CCDC18: variants seen among roughly 807,000 people sequenced by gnomAD.
The protein encoded by CCDC18 is coiled-coil domain-containing protein 18.
In CCDC18, 157 loss-of-function variants were observed where a neutral mutation model predicts 196.0. The ratio of observed to expected loss-of-function variants is 0.80; its 90% CI spans 0.70 to 0.91. The LOEUF is 0.91. Ranked by LOEUF, CCDC18 falls within the 40% of genes least tolerant of loss-of-function variation. The probability of loss-of-function intolerance (pLI) is 0.00; values close to 1 mark genes in which losing one functional copy is unlikely to be tolerated. For missense variants in CCDC18, 1,465 were observed against 1,611.6 expected, an observed-to-expected ratio of 0.91 and a Z score of 1.56; for synonymous variants, 482 against 529.2, an observed-to-expected ratio of 0.91 and a Z score of 1.22.
In CCDC18 at chr1:93,212,120, G is replaced by A. The variant is rs779717547; in HGVS notation, c.1354G>A (p.Glu452Lys). 3 of 1,600,740 alleles carry A rather than the reference G, an allele frequency of 1.9e-6. No homozygotes were observed. The highest frequency in any genetic ancestry group is 1.7e-4 in the Middle Eastern group (1 of 6,016). Residue 452 changes from glutamate (E) to lysine (K), a missense_variant, in exon 11 of 29, where the codon GAG becomes AAG. Transcript: ENST00000690025. ...TGCCAGAATTAAGCTTGCAATAAAA[G>A]AGGCAGAAATTCAAAAGCTTCATGC... The part of the protein sequence containing the change: ...SELRIKLAIK[E>K]AEIQKLHANL...
At chr1:93,242,787 C>T (rs558300693) in intron 21 of CCDC18, among the ~76,000 whole-genome samples, 116 of 152,312 alleles carry the variant, frequency 7.6e-4, no homozygotes, top group African/African-American at 2.5e-3. Context: ...GGGCTACAGG[C>T]CCCATGCAAG....
chr1:93,188,316 C>G (rs1651077288), intron 4 of CCDC18, among the ~76,000 whole-genome samples: 1 of 152,206 alleles, frequency 6.6e-6, no homozygotes, highest in Non-Finnish European at 1.5e-5. Context: ...GCATCCTGCT[C>G]TTTCTGAGCT....
Position 93,254,585 on chromosome 1 carries a change from A to G in CCDC18, c.3313A>G (p.Thr1105Ala). ...TCAACTGAAAAAAGAAATTGAAAGA[A>G]CACAACAAAGGATGAAAGAAATGGA... ...ISQLKKEIER[T>A]QQRMKEMESV... Residue 1105 changes from threonine to alanine, a missense_variant, in exon 24 of 29, where the codon ACA becomes GCA. Coordinates refer to ENST00000690025, the MANE Select transcript of CCDC18 (RefSeq NM_001378204.1). The G allele has an allele frequency of 1.2e-6, 2 of 1,611,404 alleles. No individual in the cohort carries two copies. Among genetic ancestry groups the G allele is most frequent in the South Asian group, 1.1e-5 (1 of 90,600 alleles).
At chr1:93,253,832 A>G (rs927538876) in intron 23 of CCDC18, among the ~76,000 whole-genome samples, 1 of 152,138 alleles carries the variant, frequency 6.6e-6, no homozygotes, top group Non-Finnish European at 1.5e-5. Context: ...CAAGCTTGGC[A>G]TATCAGCCAC....
chr1:93,210,998 C>G (rs1312557791), intron 10 of CCDC18, 72 bp downstream of exon 10: 6 of 1,499,862 alleles, frequency 4.0e-6, no homozygotes, highest in Non-Finnish European at 1.8e-6. Flanking sequence ...CTTAATTGGC[C>G]GGGCATGGTG....
intron 24 of CCDC18, among the ~76,000 whole-genome samples, chr1:93,255,856 A>G (rs1662894061): frequency 6.6e-6 from 1 of 152,196 alleles, no homozygotes; most frequent in Non-Finnish European, 1.5e-5. Flanking sequence ...TAATTGAGTA[A>G]TATAAAACCA....
At chr1:93,240,162 G>C (rs1351651365) in intron 21 of CCDC18, among the ~76,000 whole-genome samples, 1 of 152,166 alleles carries the variant, frequency 6.6e-6, no homozygotes, top group African/African-American at 2.4e-5. Context: ...GCTAACAGCA[G>C]GAGGATATTA....
At chr1:93,259,529 G>A (rs575983558) in intron 26 of CCDC18, among the ~76,000 whole-genome samples, 8 of 152,092 alleles carry the variant, frequency 5.3e-5, no homozygotes, top group Admixed American at 2.6e-4. Context: ...TTTCTAATAC[G>A]GCAAGGGTTG....
chr1:93,229,589 G>A (rs571212), intron 17 of CCDC18, among the ~76,000 whole-genome samples: 43,611 of 152,100 alleles, frequency 0.29, 9,471 homozygotes, highest in African/African-American at 0.61. Flanking sequence ...AGTGGCCCTA[G>A]GGCATATAGG....
chr1:93,251,971 CTT>C lies in CCDC18; in HGVS notation c.3199-2495_3199-2494del, dbSNP rs537851952. 4.0e-4 allele frequency among the ~76,000 whole-genome samples: 60 copies of C among 150,940 alleles called. 1 individual carries two copies. The South Asian group carries it at 0.012, about 31-fold the overall frequency. ...AAGCTTTGTTTATTCCTTTTTATTC[CTT>C]TTTTCCTCCTCTCACTGTGTAGTCT... On this transcript the variant is annotated intron_variant, in intron 23 of 28. Transcript: ENST00000690025.
intron 28 of CCDC18, among the ~76,000 whole-genome samples, chr1:93,273,155 G>A (rs924115790): frequency 2.0e-5 from 3 of 151,740 alleles, no homozygotes; most frequent in Non-Finnish European, 2.9e-5. Flanking sequence ...TGCAAGCTCC[G>A]CCTCCCAGGT....
chr1:93,193,578 CT>C, intron 5 of CCDC18, 37 bp from the exon 6 acceptor site: 1 of 1,436,806 alleles, frequency 7.0e-7, no homozygotes, highest in Non-Finnish European at 9.4e-7. Flanking sequence ...GGGATAATCT[CT>C]TTAGTAGTCT....
intron 21 of CCDC18, among the ~76,000 whole-genome samples, 161 bp from the exon 22 acceptor site, chr1:93,245,938 ATCTTTT>A (rs768072091): frequency 1.3e-5 from 2 of 152,238 alleles, no homozygotes; most frequent in East Asian, 1.9e-4. Context: ...ATTGATGTCA[ATCTTTT>A]TCTTTATCTA....
At chr1:93,192,679 C>A (rs1269677288) in intron 5 of CCDC18, among the ~76,000 whole-genome samples, 1 of 152,240 alleles carries the variant, frequency 6.6e-6, no homozygotes, top group Non-Finnish European at 1.5e-5. Context: ...CTCAAGCAGT[C>A]GTCCTGCCTC....
At chr1:93,197,534 ATG>A (rs1459638512) in intron 6 of CCDC18, among the ~76,000 whole-genome samples, 1 of 151,870 alleles carries the variant, frequency 6.6e-6, no homozygotes, top group African/African-American at 2.4e-5. Context: ...GTACATATAT[ATG>A]TGTGTGTGTA....
chr1:93,184,920 A>G (rs1650365051), intron 3 of CCDC18, among the ~76,000 whole-genome samples: 1 of 151,962 alleles, frequency 6.6e-6, no homozygotes, highest in Non-Finnish European at 1.5e-5. Context: ...TTTGATCTCT[A>G]TCCTCATTCA....
At chr1:93,180,100 A>G (rs1649264170), upstream of CCDC18, 1 of 1,613,388 alleles carries the variant, frequency 6.2e-7, no homozygotes, top group Non-Finnish European at 8.5e-7. Context: ...GGGCTGGTAG[A>G]AGCACTCCTT....
At chr1:93,234,295 G>A (rs1404666363) in intron 18 of CCDC18, among the ~76,000 whole-genome samples, 1 of 152,008 alleles carries the variant, frequency 6.6e-6, no homozygotes, top group Non-Finnish European at 1.5e-5. Flanking sequence ...CCGAGTAGCT[G>A]GGACTACAGG....
chr1:93,251,914 T>C (rs1202996048), intron 23 of CCDC18, among the ~76,000 whole-genome samples: 3 of 152,238 alleles, frequency 2.0e-5, no homozygotes, highest in African/African-American at 7.2e-5. Flanking sequence ...ATTCAAAGAT[T>C]TGCTCTTTTG....
Sources: allele counts gnomAD v4.1 joint callset (sites outside exome capture counted in the v4.1 genomes callset), GRCh38; gene constraint gnomAD v4.1.1; transcripts MANE v1.5; gene names NCBI Gene and HGNC (gene_info 2026-07-23, HGNC 2026-07-21).